The following COL13A1 variants were observed in gnomAD, a reference collection of about 807,000 sequenced individuals.
COL13A1 encodes the protein collagen type XIII alpha 1 chain, also known as collagen alpha-1(XIII) chain.
COL13A1 carries 89 observed loss-of-function variants against 130.9 expected under a neutral mutation model. The ratio of observed to expected loss-of-function variants is 0.68; its 90% CI spans 0.57 to 0.81. The LOEUF (loss-of-function observed/expected upper bound fraction) is 0.81. Ranked by LOEUF, COL13A1 falls within the 30% of genes least tolerant of loss-of-function variation. COL13A1 has a pLI of 0.00. For synonymous variants in COL13A1, 402 were observed against 341.6 expected (o/e 1.18, Z -1.95); for missense variants, 879 against 934.6 (o/e 0.94, Z 0.78).
At chr10:69,878,647 A>G (rs934188869) in intron 6 of COL13A1, among the ~76,000 whole-genome samples, 1 of 152,322 alleles carries the variant, frequency 6.6e-6, no homozygotes, top group South Asian at 2.1e-4. Flanking sequence ...ACACCCAGCT[A>G]ATTTTTGCAG....
intron 15 of COL13A1, among the ~76,000 whole-genome samples, chr10:69,903,083 A>G (rs960179218): frequency 5.3e-5 from 8 of 152,190 alleles, no homozygotes; most frequent in Non-Finnish European, 8.8e-5. Flanking sequence ...TCCAGGGAGG[A>G]GACCGCCAAT....
chr10:69,897,669 G>A, intron 13 of COL13A1: 1 of 1,005,518 alleles, frequency 9.9e-7, no homozygotes, highest in South Asian at 1.7e-5. Flanking sequence ...CAAGAAGGCA[G>A]CAGCTGTGAC....
intron 2 of COL13A1, among the ~76,000 whole-genome samples, chr10:69,845,535 AG>A (rs1852797201): frequency 6.6e-6 from 1 of 151,704 alleles, no homozygotes; most frequent in African/African-American, 2.4e-5. Flanking sequence ...CCACCCCTGC[AG>A]CTACACCAAA....
chr10:69,903,358 T>C (rs567348319), intron 15 of COL13A1, among the ~76,000 whole-genome samples: 4 of 152,336 alleles, frequency 2.6e-5, no homozygotes, highest in Admixed American at 6.5e-5. Flanking sequence ...AGCCTGAGGA[T>C]GCATCAAGCC....
At chr10:69,806,247 C>A (rs1331521931) in intron 1 of COL13A1, among the ~76,000 whole-genome samples, 1 of 152,236 alleles carries the variant, frequency 6.6e-6, no homozygotes, top group Non-Finnish European at 1.5e-5. Context: ...GGAGGGCAAG[C>A]CTGGTGAGGC....
intron 1 of COL13A1, among the ~76,000 whole-genome samples, chr10:69,808,830 C>T (rs377612401): frequency 1.2e-4 from 18 of 152,208 alleles, no homozygotes; most frequent in African/African-American, 2.2e-4. Context: ...CAGCTCTCCT[C>T]GCAGCGTCCC....
At chr10:69,852,572 T>C (rs1855191146) in intron 2 of COL13A1, among the ~76,000 whole-genome samples, 1 of 152,244 alleles carries the variant, frequency 6.6e-6, no homozygotes, top group Non-Finnish European at 1.5e-5. Context: ...GCTCAGTACG[T>C]GGCCCTTGAC....
At chr10:69,870,909 C>A (rs759668833) in intron 3 of COL13A1, among the ~76,000 whole-genome samples, 4 of 151,798 alleles carry the variant, frequency 2.6e-5, no homozygotes, top group Non-Finnish European at 4.4e-5. Flanking sequence ...GATGCTTGGG[C>A]GAAGCACAGT....
intron 1 of COL13A1, among the ~76,000 whole-genome samples, chr10:69,806,743 A>G (rs1245381474): frequency 6.6e-6 from 1 of 152,234 alleles, no homozygotes; most frequent in Non-Finnish European, 1.5e-5. Flanking sequence ...GCAGTGGCTC[A>G]TGCCTGTAAT....
intron 1 of COL13A1, among the ~76,000 whole-genome samples, chr10:69,819,252 C>T (rs1845415159): frequency 6.6e-6 from 1 of 152,216 alleles, no homozygotes; most frequent in Non-Finnish European, 1.5e-5. Context: ...TTCTAGCCTG[C>T]CTGTTGCACG....
chr10:69,895,673 C>T (rs2061562931), intron 13 of COL13A1, 97 bp downstream of exon 13: 3 of 1,378,608 alleles, frequency 2.2e-6, no homozygotes, highest in Non-Finnish European at 3.1e-6. Context: ...CAGTTACTAA[C>T]AGATCATGGG....
chr10:69,833,318 C>T (rs1839975899), intron 2 of COL13A1, among the ~76,000 whole-genome samples: 1 of 152,192 alleles, frequency 6.6e-6, no homozygotes, highest in Non-Finnish European at 1.5e-5. Context: ...GATTGAGCAC[C>T]CCCACCTCTC....
intron 17 of COL13A1, among the ~76,000 whole-genome samples, chr10:69,911,477 C>G (rs770311651): frequency 1.6e-4 from 25 of 152,338 alleles, no homozygotes; most frequent in Non-Finnish European, 3.1e-4. Context: ...AGGTCCACAG[C>G]TAGGAAATAG....
chr10:69,867,803 C>T lies in COL13A1; in HGVS notation c.370C>T (p.Pro124Ser), dbSNP rs1232967435. 7.0e-6 allele frequency: 5 copies of T among 718,540 alleles called. No homozygotes were observed. The highest frequency in any genetic ancestry group is 1.5e-5 in the South Asian group (1 of 67,588). 44.5% of individuals were successfully genotyped at this position (718,540 alleles called of 1,614,324 possible). ...ATTTTCTCTCTCTCTTTCAGGACCT[C>T]CTGTAAGTACTCAAGCCGAGGGTCT... The part of the protein sequence containing the change: ...SPGCNCPPGP[P>S]GPTGRPGLPG... The change falls in exon 3 of 41, where the codon CCT (proline) becomes TCT (serine). Residue 124 changes from proline to serine, a missense_variant and splice_region_variant. Around this residue, in one of 3 missense-constraint regions of COL13A1, gnomAD observed 715 missense variants for 721.0 expected, o/e 0.99. Coordinates refer to ENST00000645393, the MANE Select transcript of COL13A1 (RefSeq NM_001368882.1).
chr10:69,824,734 A>T (rs1847071209), intron 2 of COL13A1, among the ~76,000 whole-genome samples: 1 of 152,202 alleles, frequency 6.6e-6, no homozygotes, highest in Non-Finnish European at 1.5e-5. Context: ...AAGAGTGGGC[A>T]GGGGCTCCTG....
chr10:69,859,389 G>A (rs1019384967), intron 2 of COL13A1, among the ~76,000 whole-genome samples: 1 of 151,916 alleles, frequency 6.6e-6, no homozygotes, highest in Non-Finnish European at 1.5e-5. Context: ...CCCCTCCCAG[G>A]CCTCTGAGGG....
At chr10:69,920,362 A>G (rs1302486002) in intron 21 of COL13A1, among the ~76,000 whole-genome samples, 1 of 152,194 alleles carries the variant, frequency 6.6e-6, no homozygotes, top group East Asian at 1.9e-4. Context: ...TGCTGACCTG[A>G]TACCCCAGCC....
intron 2 of COL13A1, among the ~76,000 whole-genome samples, chr10:69,856,130 C>T (rs1856383742): frequency 6.6e-6 from 1 of 152,178 alleles, no homozygotes. Flanking sequence ...TTTTGTTTGG[C>T]CTGCAGAGTG....
intron 8 of COL13A1, 147 bp from the exon 9 acceptor site, chr10:69,888,157 G>T: frequency 1.2e-6 from 1 of 830,744 alleles, no homozygotes; most frequent in South Asian, 1.7e-5. Flanking sequence ...CTTACCCATA[G>T]TCACATTAAC....
Sources: allele counts gnomAD v4.1 joint callset (sites outside exome capture counted in the v4.1 genomes callset), GRCh38; gene constraint gnomAD v4.1.1; regional missense constraint gnomAD v4.1.1; transcripts MANE v1.5; gene names NCBI Gene and HGNC (gene_info 2026-07-23, HGNC 2026-07-21).